ZFYVE16: variants seen among roughly 807,000 people sequenced by gnomAD.
ZFYVE16 encodes the protein zinc finger FYVE domain-containing protein 16.
In ZFYVE16, 89 loss-of-function variants were observed where a neutral mutation model predicts 138.1. The observed-to-expected ratio is 0.64, with a 90% CI of 0.54 to 0.77. The LOEUF (loss-of-function observed/expected upper bound fraction) is 0.77. Ranked by LOEUF, ZFYVE16 falls within the 30% of genes least tolerant of loss-of-function variation. ZFYVE16 has a pLI of 0.00. For synonymous variants in ZFYVE16, 596 were observed against 618.3 expected, an observed-to-expected ratio of 0.96 and a Z score of 0.53; for missense variants, 1,793 against 1,786.7, an observed-to-expected ratio of 1.00 and a Z score of -0.06.
rs1247430704 is a variant in ZFYVE16, at chr5:80,408,977, C to A, written c.-94+824C>A. On this transcript the variant is annotated intron_variant, in intron 1 of 18. Coordinates refer to ENST00000505560, the MANE Select transcript of ZFYVE16 (RefSeq NM_001284236.3). Reference sequence around the variant, plus strand: ...AGTAGAACTATATATAATTTTTCGCCTAATTTCTTCCTTTTTTTCCTCTCC... The same window carrying A: ...AGTAGAACTATATATAATTTTTCGCATAATTTCTTCCTTTTTTTCCTCTCC... Among the ~76,000 whole-genome samples the A allele has an allele frequency of 2.7e-4, 10 of 36,718 alleles. No homozygotes were observed. In the South Asian group the frequency reaches 7.6e-3, roughly 28 times the overall value. The allele number at this position is 36,718 out of a possible 152,430, so 24.1% of individuals were successfully genotyped here.
chr5:80,456,357 T>C, intron 12 of ZFYVE16, 104 bp from the exon 13 acceptor site: 3 of 866,282 alleles, frequency 3.5e-6, no homozygotes, highest in Non-Finnish European at 5.3e-6. Flanking sequence ...CTGAGAATGA[T>C]ATTCTTTATT....
chr5:80,428,387 C>T (rs1748462502), intron 2 of ZFYVE16, among the ~76,000 whole-genome samples: 1 of 152,206 alleles, frequency 6.6e-6, no homozygotes, highest in Non-Finnish European at 1.5e-5. Context: ...AGACCTGCAG[C>T]TGAGGGTCCT....
chr5:80,417,875 A>C (rs2112186027), intron 1 of ZFYVE16, among the ~76,000 whole-genome samples: 1 of 152,304 alleles, frequency 6.6e-6, no homozygotes, highest in Admixed American at 6.5e-5. Context: ...GGTAGTAGTA[A>C]GTTTTGTAAG....
At chr5:80,432,429 A>G (rs1475992072) in intron 2 of ZFYVE16, among the ~76,000 whole-genome samples, 1 of 152,222 alleles carries the variant, frequency 6.6e-6, no homozygotes, top group East Asian at 1.9e-4. Flanking sequence ...TTATATGAAA[A>G]TTAATTCAAG....
intron 18 of ZFYVE16, among the ~76,000 whole-genome samples, chr5:80,476,284 G>C (rs903122731): frequency 1.3e-5 from 2 of 151,858 alleles, no homozygotes; most frequent in African/African-American, 4.8e-5. Flanking sequence ...TTTTGAACTT[G>C]GACAATTTGA....
At chr5:80,435,465 G>A (rs114640627) in intron 3 of ZFYVE16, among the ~76,000 whole-genome samples, 2,595 of 152,306 alleles carry the variant, frequency 0.017, 25 homozygotes, top group Non-Finnish European at 0.024. Flanking sequence ...CACCACGTCT[G>A]GGTGTTATTT....
intron 2 of ZFYVE16, among the ~76,000 whole-genome samples, chr5:80,433,600 TAAA>T (rs947843167): frequency 1.3e-5 from 2 of 150,706 alleles, no homozygotes; most frequent in Non-Finnish European, 3.0e-5. Flanking sequence ...AAAAAGTATA[TAAA>T]AAAAACTCCA....
chr5:80,424,869 T>C lies in ZFYVE16; in HGVS notation c.-93-2623T>C, dbSNP rs139518174. On this transcript the variant is annotated intron_variant, in intron 1 of 18. Coordinates refer to ENST00000505560, the MANE Select transcript of ZFYVE16 (RefSeq NM_001284236.3). Reference sequence around the variant, plus strand: ...AAACAAAAAAAGGTAACATGCTTCATTGAATTAAGATGCCAAACCAATGTT... The same window carrying C: ...AAACAAAAAAAGGTAACATGCTTCACTGAATTAAGATGCCAAACCAATGTT... Among the ~76,000 whole-genome samples the C allele has an allele frequency of 7.7e-4, 117 of 152,368 alleles. 3 individuals are homozygous for C. In the East Asian group the frequency reaches 0.02, roughly 27 times the overall value.
rs1187854898 is a variant in ZFYVE16 at position 80,478,993 on chromosome 5, G to A, written c.*1616G>A. The stretch of plus-strand genomic sequence containing the variant: ...TTTCTAAATATAGTGTATGTATTCT[G>A]CCATGTAAGTAATTGAACAGTCTTA... On this transcript the variant is annotated 3_prime_UTR_variant, in exon 19 of 19. Transcript: ENST00000505560. The A allele has an allele frequency of 6.6e-6, 1 of 152,118 alleles. No homozygotes were observed. Among genetic ancestry groups the A allele is most frequent in the East Asian group, 1.9e-4 (1 of 5,194 alleles). The allele number at this position is 152,118 out of a possible 1,614,324, so 9.4% of individuals were successfully genotyped here.
chr5:80,471,748 T>G (rs1754404223), intron 15 of ZFYVE16, among the ~76,000 whole-genome samples: 1 of 152,206 alleles, frequency 6.6e-6, no homozygotes. Flanking sequence ...AACTTTAGAT[T>G]CTAAGTACAT....
At chr5:80,454,158 C>G (rs1752268451) in intron 11 of ZFYVE16, 1 of 152,176 alleles carries the variant, frequency 6.6e-6, no homozygotes, top group Admixed American at 6.5e-5. Context: ...TATGTTTGTA[C>G]TAGCAAGAAA....
chr5:80,456,336 C>A, intron 12 of ZFYVE16, 125 bp from the exon 13 acceptor site: 1 of 735,350 alleles, frequency 1.4e-6, no homozygotes, highest in Non-Finnish European at 2.2e-6. Flanking sequence ...CTAAATACTA[C>A]AAAGTTTTTC....
intron 16 of ZFYVE16, 148 bp downstream of exon 16, chr5:80,473,071 T>G (rs1754546417): frequency 1.2e-6 from 1 of 837,976 alleles, no homozygotes; most frequent in Non-Finnish European, 1.7e-6. Context: ...GAATGCAATC[T>G]TTTTCAAACA....
chr5:80,420,280 T>C (rs1242875458), intron 1 of ZFYVE16, among the ~76,000 whole-genome samples: 5 of 151,836 alleles, frequency 3.3e-5, no homozygotes, highest in Admixed American at 6.6e-5. Context: ...CTAATTTTTA[T>C]TTTTATTATT....
rs898669589 is a variant in ZFYVE16, at chr5:80,446,969, G to C, written c.2725-1057G>C. On this transcript the variant is annotated intron_variant, in intron 7 of 18. Coordinates refer to ENST00000505560, the MANE Select transcript of ZFYVE16 (RefSeq NM_001284236.3). ...GATTCTGGGTACGTATATTAGAAAA[G>C]ATGGATACTAGGCCTGGCGCGGTGG... Among the ~76,000 whole-genome samples, 3 of 152,002 alleles carry C rather than the reference G, an allele frequency of 2.0e-5. No individual in the cohort carries two copies. The South Asian group carries it at 6.2e-4, about 32-fold the overall frequency.
intron 15 of ZFYVE16, among the ~76,000 whole-genome samples, chr5:80,464,609 C>T (rs1465308120): frequency 6.6e-6 from 1 of 152,162 alleles, no homozygotes; most frequent in Admixed American, 6.5e-5. Flanking sequence ...ATAGTATTCC[C>T]TTATAATCCT....
rs910728042 is a variant in ZFYVE16, at chr5:80,482,499, A to C, written c.*5122A>C. 5 of 152,250 alleles carry C rather than the reference A, an allele frequency of 3.3e-5. No homozygotes were observed. The highest frequency in any genetic ancestry group is 1.2e-4 in the African/African-American group (5 of 41,464). The allele number at this position is 152,250 out of a possible 1,614,324, so 9.4% of individuals were successfully genotyped here. A position where few individuals can be genotyped will look rare whatever the true frequency, so the allele number is the denominator to read the frequency against. On this transcript the variant is annotated 3_prime_UTR_variant, in exon 19 of 19. Transcript: ENST00000505560. The stretch of plus-strand genomic sequence containing the variant: ...GGAAGAAAAAAATATCTGAAGAAAT[A>C]ATAGCTAAAAACTTCCAAACATCTG...
chr5:80,434,923 G>A (rs748009672), intron 3 of ZFYVE16, among the ~76,000 whole-genome samples: 4 of 151,534 alleles, frequency 2.6e-5, no homozygotes, highest in African/African-American at 7.3e-5. Context: ...GTGCAGTGGC[G>A]CCATGTCAGC....
intron 11 of ZFYVE16, among the ~76,000 whole-genome samples, chr5:80,453,134 GAA>G (rs1210319588): frequency 2.0e-5 from 3 of 152,138 alleles, no homozygotes; most frequent in East Asian, 1.9e-4. Context: ...CAAATTGAGA[GAA>G]AGAGAGAATC....
Sources: gnomAD v4.1 joint callset for allele counts (sites outside exome capture counted in the v4.1 genomes callset) on GRCh38, gnomAD v4.1.1 for gene constraint, MANE v1.5 for transcripts, NCBI Gene and HGNC (gene_info 2026-07-23, HGNC 2026-07-21) for gene names.